CLSTN1: variants seen among roughly 807,000 people sequenced by gnomAD.
CLSTN1 encodes calsyntenin 1.
CLSTN1 carries 28 observed loss-of-function variants against 108.3 expected under a neutral mutation model. The ratio of observed to expected loss-of-function variants is 0.26; its 90% CI spans 0.19 to 0.35. CLSTN1 has a LOEUF of 0.35. Among genes scored for constraint, CLSTN1 ranks in the 10% least tolerant of loss-of-function variants. The pLI, the probability that CLSTN1 is intolerant of heterozygous loss-of-function variation, is 1.00. For missense variants in CLSTN1, 1,157 were observed against 1,302.6 expected (o/e 0.89, Z 1.72); for synonymous variants, 524 against 534.9 (o/e 0.98, Z 0.28).
rs757338815 is a variant in CLSTN1 at position 9,749,757 on chromosome 1, A to T, written c.799+7T>A. ...GATGTGAGCGCAGGGGAGAGAATGA[A>T]GCTCACCTTGCCACCCAGGGGTGCA... On this transcript the variant is annotated splice_region_variant and intron_variant, in intron 6 of 18. Coordinates refer to ENST00000377298, the MANE Select transcript of CLSTN1 (RefSeq NM_001009566.3). The T allele has an allele frequency of 3.0e-5, 48 of 1,614,004 alleles. No homozygotes were observed. The highest frequency in any genetic ancestry group is 4.1e-5 in the Non-Finnish European group (48 of 1,179,962).
In CLSTN1 at chr1:9,739,408, G is replaced by GTA. The variant is rs562354248; in HGVS notation, c.1519+1684_1519+1685dup. On this transcript the variant is annotated intron_variant, in intron 10 of 18. Transcript: ENST00000377298. ...CTGGTGTTACTGTTTCACAAATGTAGTATTTCAGGATGTTAATAACTATAT... is the reference window on the plus strand; with the variant it reads ...CTGGTGTTACTGTTTCACAAATGTAGTATATTTCAGGATGTTAATAACTATAT... Among the ~76,000 whole-genome samples, 34 of 152,292 alleles carry GTA rather than the reference G, an allele frequency of 2.2e-4. 1 individual carries two copies. In the South Asian group the frequency reaches 7.1e-3, roughly 32 times the overall value.
At chr1:9,741,681 G>A (rs1166094822) in intron 9 of CLSTN1, among the ~76,000 whole-genome samples, 1 of 152,230 alleles carries the variant, frequency 6.6e-6, no homozygotes. Flanking sequence ...GGAGGCCAAG[G>A]CGAGGAGATC....
chr1:9,735,214 C>T (rs1650620586), intron 13 of CLSTN1, 40 bp from the exon 14 acceptor site: 2 of 1,603,494 alleles, frequency 1.2e-6, no homozygotes, highest in Admixed American at 3.3e-5. Flanking sequence ...GCTTTGGGAG[C>T]CGATCTTGGA....
chr1:9,769,105 G>C (rs1325409143), intron 2 of CLSTN1, among the ~76,000 whole-genome samples: 2 of 146,414 alleles, frequency 1.4e-5, no homozygotes, highest in Non-Finnish European at 3.0e-5. Flanking sequence ...AAGCGAAGGA[G>C]GGAAGGAGAG....
intron 1 of CLSTN1, among the ~76,000 whole-genome samples, chr1:9,802,711 C>A (rs1303134055): frequency 6.6e-6 from 1 of 152,070 alleles, no homozygotes; most frequent in Non-Finnish European, 1.5e-5. Flanking sequence ...ACGACAATGG[C>A]AACTTCACTT....
chr1:9,780,010 A>G (rs1653166023), intron 1 of CLSTN1, among the ~76,000 whole-genome samples: 1 of 151,792 alleles, frequency 6.6e-6, no homozygotes, highest in African/African-American at 2.4e-5. Flanking sequence ...GCATCACCAC[A>G]CTCGGCTAAT....
chr1:9,747,288 A>G (rs1651317737), intron 7 of CLSTN1, among the ~76,000 whole-genome samples: 1 of 152,078 alleles, frequency 6.6e-6, no homozygotes, highest in African/African-American at 2.4e-5. Context: ...AATACCATGA[A>G]ATGAGAGACG....
rs748026220 is a variant in CLSTN1 at position 9,735,954 on chromosome 1, G to A, written c.1665C>T (p.Ile555=). The A allele has an allele frequency of 1.8e-5, 29 of 1,614,152 alleles. No homozygotes were observed. The highest frequency in any genetic ancestry group is 2.3e-5 in the Non-Finnish European group (27 of 1,180,026). The part of the protein sequence containing the change: ...RSGKLADKKV[I]DCLYTCKEGL... ...CCTCCTTGCAGGTATACAGACAGTC[G>A]ATCACCTTCTTATCCGCGAGTTTCC... The change falls in exon 12 of 19, where the codon ATC becomes ATT. Residue 555 remains isoleucine, a synonymous_variant. Coordinates refer to ENST00000377298, the MANE Select transcript of CLSTN1 (RefSeq NM_001009566.3).
At chr1:9,776,433 G>A (rs371268036) in intron 1 of CLSTN1, among the ~76,000 whole-genome samples, 3 of 152,100 alleles carry the variant, frequency 2.0e-5, no homozygotes, top group Non-Finnish European at 2.9e-5. Flanking sequence ...GGAATTTGGA[G>A]GTTGGTTGCA....
chr1:9,736,195 T>G (rs1437489343), intron 11 of CLSTN1, among the ~76,000 whole-genome samples, 153 bp from the exon 12 acceptor site: 1 of 152,196 alleles, frequency 6.6e-6, no homozygotes, highest in African/African-American at 2.4e-5. Context: ...GCAATCTACA[T>G]GGAAGCGCAA....
chr1:9,814,096 T>C (rs1236166182), intron 1 of CLSTN1, among the ~76,000 whole-genome samples: 1 of 148,712 alleles, frequency 6.7e-6, no homozygotes, highest in Non-Finnish European at 1.5e-5. Context: ...AGCGAGACAC[T>C]GTCTCAAAAA....
At chr1:9,794,528 C>T (rs1165792414) in intron 1 of CLSTN1, among the ~76,000 whole-genome samples, 3 of 151,190 alleles carry the variant, frequency 2.0e-5, no homozygotes, top group African/African-American at 7.3e-5. Flanking sequence ...ATGCTGGTCT[C>T]GAACTCCTGG....
Position 9,730,215 on chromosome 1 carries a change from G to T in CLSTN1, c.*293C>A. On this transcript the variant is annotated 3_prime_UTR_variant, in exon 19 of 19. Transcript: ENST00000377298. The surrounding 1 kb of genome is among the most constrained non-coding windows in gnomAD (Gnocchi z 5.6). ...CGAGGGGCCAGTGTCCTCTCCCCGG[G>T]GGGAGACTCCAGACACAAACGCGGG... 2.0e-6 allele frequency: 1 copy of T among 505,172 alleles called. No individual in the cohort carries two copies. 31.3% of individuals were successfully genotyped at this position (505,172 alleles called of 1,614,324 possible). A position where few individuals can be genotyped will look rare whatever the true frequency, so the allele number is the denominator to read the frequency against.
At chr1:9,815,336 G>A (rs978245549) in intron 1 of CLSTN1, among the ~76,000 whole-genome samples, 5 of 152,176 alleles carry the variant, frequency 3.3e-5, no homozygotes, top group Admixed American at 1.3e-4. Flanking sequence ...AACATATGAG[G>A]AAATGTCTGT....
chr1:9,786,470 C>T (rs183684755), intron 1 of CLSTN1, among the ~76,000 whole-genome samples: 85 of 151,946 alleles, frequency 5.6e-4, no homozygotes, highest in Admixed American at 5.1e-3. Flanking sequence ...GGCGAAACCC[C>T]GTCTCTACTA....
At chr1:9,756,842 G>A (rs1383017157) in intron 2 of CLSTN1, among the ~76,000 whole-genome samples, 3 of 152,110 alleles carry the variant, frequency 2.0e-5, no homozygotes, top group Non-Finnish European at 4.4e-5. Flanking sequence ...ATGCAGTGGT[G>A]CTATCTCGGC....
Position 9,751,166 on chromosome 1 carries a change from A to G in CLSTN1, c.649+307T>C, listed in dbSNP as rs1466380193. On this transcript the variant is annotated intron_variant, in intron 5 of 18. Coordinates refer to ENST00000377298, the MANE Select transcript of CLSTN1 (RefSeq NM_001009566.3). ...TCTCATTCAGATGCATGTGGACTGA[A>G]AGTTAAGAAGATTAAAAAAACAAAG... Among the ~76,000 whole-genome samples, 3 of 152,142 alleles carry G rather than the reference A, an allele frequency of 2.0e-5. No homozygotes were observed. The East Asian group carries it at 5.8e-4, about 29-fold the overall frequency.
At chr1:9,758,668 G>A (rs893231380) in intron 2 of CLSTN1, among the ~76,000 whole-genome samples, 2 of 152,240 alleles carry the variant, frequency 1.3e-5, no homozygotes, top group South Asian at 2.1e-4. Context: ...ATCCTTGCTG[G>A]TATAGGTAGC....
intron 1 of CLSTN1, among the ~76,000 whole-genome samples, chr1:9,791,886 T>C (rs1230883548): frequency 2.6e-5 from 4 of 151,198 alleles, no homozygotes; most frequent in South Asian, 2.2e-4. Flanking sequence ...CAGTGGCTCA[T>C]GCTTGTAATC....
Sources: gnomAD v4.1 joint callset for allele counts (sites outside exome capture counted in the v4.1 genomes callset) on GRCh38, gnomAD v4.1.1 for gene constraint, Gnocchi (gnomAD v3.1) non-coding constraint, MANE v1.5 for transcripts, NCBI Gene and HGNC (gene_info 2026-07-23, HGNC 2026-07-21) for gene names.